THSD7B: variants seen among roughly 807,000 people sequenced by gnomAD.
THSD7B encodes thrombospondin type-1 domain-containing protein 7B.
A neutral mutation model predicts 213.6 loss-of-function variants in THSD7B; 138 were observed. The ratio of observed to expected loss-of-function variants is 0.65; its 90% CI spans 0.56 to 0.74. THSD7B has a LOEUF of 0.74. Ranked by LOEUF, THSD7B falls within the 30% of genes least tolerant of loss-of-function variation. THSD7B has a pLI of 0.00. For missense variants in THSD7B, 1,931 were observed against 1,991.5 expected (o/e 0.97, Z 0.58); for synonymous variants, 742 against 687.0 (o/e 1.08, Z -1.25).
At chr2:137,318,048 A>G (rs1418197235) in intron 12 of THSD7B, among the ~76,000 whole-genome samples, 3 of 152,110 alleles carry the variant, frequency 2.0e-5, no homozygotes, top group Non-Finnish European at 4.4e-5. Flanking sequence ...CTGTAAACCC[A>G]CTCTATTAGG....
At chr2:136,784,640 A>G (rs1681806740) in intron 1 of THSD7B, among the ~76,000 whole-genome samples, 1 of 152,186 alleles carries the variant, frequency 6.6e-6, no homozygotes, top group Non-Finnish European at 1.5e-5. Context: ...ATCGTTTTCT[A>G]TCTGATAATA....
At chr2:137,008,879 T>C (rs1686169720) in intron 2 of THSD7B, among the ~76,000 whole-genome samples, 1 of 152,208 alleles carries the variant, frequency 6.6e-6, no homozygotes, top group Non-Finnish European at 1.5e-5. Flanking sequence ...AGTCCCCACA[T>C]ACAAACTACA....
At chr2:137,280,223 A>G (rs1014382495) in intron 12 of THSD7B, among the ~76,000 whole-genome samples, 1 of 152,080 alleles carries the variant, frequency 6.6e-6, no homozygotes, top group Non-Finnish European at 1.5e-5. Context: ...AAAAACTGGG[A>G]TCTCCAAGAT....
intron 7 of THSD7B, among the ~76,000 whole-genome samples, chr2:137,209,879 A>C (rs1681062403): frequency 6.6e-6 from 1 of 151,312 alleles, no homozygotes; most frequent in Non-Finnish European, 1.5e-5. Context: ...GGGGCCTTCA[A>C]AGAATGATTA....
chr2:137,433,363 CT>C (rs369298212), intron 14 of THSD7B, among the ~76,000 whole-genome samples: 36 of 146,010 alleles, frequency 2.5e-4, no homozygotes, highest in East Asian at 4.0e-4. Context: ...ATTTTGTTTT[CT>C]TTTTTTTTTT....
intron 2 of THSD7B, among the ~76,000 whole-genome samples, chr2:136,962,272 C>T (rs916054843): frequency 6.6e-6 from 1 of 152,038 alleles, no homozygotes; most frequent in African/African-American, 2.4e-5. Flanking sequence ...GGTTTTTAGC[C>T]CAGTGAGATT....
chr2:137,222,938 A>C (rs1291905159), intron 7 of THSD7B, among the ~76,000 whole-genome samples: 1 of 152,208 alleles, frequency 6.6e-6, no homozygotes, highest in Non-Finnish European at 1.5e-5. Flanking sequence ...GGCCTCTCTC[A>C]TTCTGTGGAT....
chr2:137,240,003 C>G (rs1182295077), intron 9 of THSD7B, among the ~76,000 whole-genome samples: 1 of 152,160 alleles, frequency 6.6e-6, no homozygotes, highest in African/African-American at 2.4e-5. Context: ...TGATGCCATT[C>G]ATGAGAGCTC....
chr2:137,111,540 G>A (rs1401647240), intron 4 of THSD7B, among the ~76,000 whole-genome samples: 26 of 152,150 alleles, frequency 1.7e-4, no homozygotes, highest in Admixed American at 1.7e-3. Context: ...TCTGCCATCT[G>A]TAAAAGGAGA....
intron 16 of THSD7B, among the ~76,000 whole-genome samples, chr2:137,564,610 A>G (rs1175715583): frequency 6.6e-6 from 1 of 152,180 alleles, no homozygotes; most frequent in African/African-American, 2.4e-5. Flanking sequence ...TATGTAAATG[A>G]GCTGTGGCAT....
chr2:137,094,616 A>G (rs1688005514), intron 3 of THSD7B, among the ~76,000 whole-genome samples: 1 of 152,036 alleles, frequency 6.6e-6, no homozygotes, highest in South Asian at 2.1e-4. Flanking sequence ...AATACGGATA[A>G]TACTGTTAAA....
intron 16 of THSD7B, among the ~76,000 whole-genome samples, chr2:137,567,552 G>A (rs1401730124): frequency 6.6e-6 from 1 of 152,082 alleles, no homozygotes; most frequent in Non-Finnish European, 1.5e-5. Context: ...AGAAGTTAAT[G>A]GTTGGAATCG....
intron 6 of THSD7B, among the ~76,000 whole-genome samples, chr2:137,164,668 G>C (rs573465510): frequency 6.6e-6 from 1 of 152,212 alleles, no homozygotes; most frequent in South Asian, 2.1e-4. Context: ...AAGAAAATGG[G>C]GCACATATAC....
intron 15 of THSD7B, among the ~76,000 whole-genome samples, chr2:137,453,765 C>T (rs149948864): frequency 2.0e-5 from 3 of 152,152 alleles, no homozygotes; most frequent in Non-Finnish European, 4.4e-5. Flanking sequence ...CATCATCCCC[C>T]TTCCCTCCAC....
intron 2 of THSD7B, among the ~76,000 whole-genome samples, chr2:136,931,878 T>C (rs1684637450): frequency 6.6e-6 from 1 of 152,154 alleles, no homozygotes; most frequent in Non-Finnish European, 1.5e-5. Context: ...GAGAAAACAA[T>C]TTTAGATATT....
chr2:137,077,633 G>C (rs1687657695), intron 3 of THSD7B, among the ~76,000 whole-genome samples: 1 of 152,144 alleles, frequency 6.6e-6, no homozygotes, highest in Admixed American at 6.5e-5. Context: ...CTTTTGAGAA[G>C]TGTCTGTTCA....
chr2:137,080,450 G>A (rs545641549), intron 3 of THSD7B, among the ~76,000 whole-genome samples: 1 of 144,850 alleles, frequency 6.9e-6, no homozygotes, highest in East Asian at 2.1e-4. Flanking sequence ...CTGATCTCAA[G>A]TCATTTGCTT....
intron 17 of THSD7B, among the ~76,000 whole-genome samples, chr2:137,581,583 A>T (rs1681575708): frequency 6.6e-6 from 1 of 151,898 alleles, no homozygotes; most frequent in Non-Finnish European, 1.5e-5. Context: ...TGCACTCCAC[A>T]CTCCAGCCTG....
At chr2:137,430,950 C>T (rs1453415917) in intron 14 of THSD7B, among the ~76,000 whole-genome samples, 1 of 152,152 alleles carries the variant, frequency 6.6e-6, no homozygotes, top group Non-Finnish European at 1.5e-5. Context: ...AAACAAAGAA[C>T]TGGGTTCTGG....
Sources: allele counts gnomAD v4.1 joint callset (sites outside exome capture counted in the v4.1 genomes callset), GRCh38; gene constraint gnomAD v4.1.1; transcripts MANE v1.5; gene names NCBI Gene and HGNC (gene_info 2026-07-23, HGNC 2026-07-21).